The following CLPTM1L variants were observed in gnomAD, a reference collection of about 807,000 sequenced individuals.
CLPTM1L encodes the protein CLPTM1 like.
A neutral mutation model predicts 70.9 loss-of-function variants in CLPTM1L; 38 were observed. The ratio of observed to expected loss-of-function variants is 0.54; its 90% CI spans 0.41 to 0.70. The LOEUF (loss-of-function observed/expected upper bound fraction) is 0.70. CLPTM1L is among the 30% of genes least tolerant of loss of function. The pLI is 0.00. For synonymous variants in CLPTM1L, 339 were observed against 299.9 expected, an observed-to-expected ratio of 1.13 and a Z score of -1.35; for missense variants, 652 against 705.9, an observed-to-expected ratio of 0.92 and a Z score of 0.87.
intron 4 of CLPTM1L, 78 bp from the exon 5 acceptor site, chr5:1,338,060 G>T: frequency 8.2e-7 from 1 of 1,224,072 alleles, no homozygotes; most frequent in Non-Finnish European, 1.2e-6. Flanking sequence ...CAGACACTGG[G>T]TTTACCCCAG....
intron 3 of CLPTM1L, among the ~76,000 whole-genome samples, chr5:1,340,592 A>T (rs1753877391): frequency 6.6e-6 from 1 of 152,074 alleles, no homozygotes; most frequent in Admixed American, 6.5e-5. Context: ...GAGAGGAGGG[A>T]TGGGGGCCCC....
At position 1,345,068 on chromosome 5, in the gene CLPTM1L, G is replaced by T. The variant is rs1426854452; in HGVS notation, c.-227C>A. The T allele has an allele frequency of 6.4e-6, 1 of 156,918 alleles. No homozygotes were observed. Among genetic ancestry groups the T allele is most frequent in the African/African-American group, 2.4e-5 (1 of 41,360 alleles). The allele number at this position is 156,918 out of a possible 1,614,324, so 9.7% of individuals were successfully genotyped here. ...GCCGCGGGATTCGCCGGCCCCGCGC[G>T]CCGCTTCCGGGCCCCGCCGCCTGCC... On this transcript the variant is annotated 5_prime_UTR_variant, in exon 1 of 17. Coordinates refer to ENST00000320895, the MANE Select transcript of CLPTM1L (RefSeq NM_030782.5).
chr5:1,321,582 T>G (rs753868748), intron 15 of CLPTM1L, 53 bp downstream of exon 15: 92 of 1,546,822 alleles, frequency 5.9e-5, no homozygotes, highest in Non-Finnish European at 7.7e-5. Flanking sequence ...GAAGACGCCC[T>G]TGCTCACGCT....
intron 7 of CLPTM1L, among the ~76,000 whole-genome samples, chr5:1,333,715 C>G (rs1753343415): frequency 7.1e-6 from 1 of 141,142 alleles, no homozygotes; most frequent in African/African-American, 2.7e-5. Context: ...TAAGGGGGGA[C>G]TACTGTATAC....
intron 5 of CLPTM1L, among the ~76,000 whole-genome samples, chr5:1,335,533 C>CGGCGCTGAGCTTGGCCTGCAG (rs1753523246): frequency 6.6e-6 from 1 of 152,264 alleles, no homozygotes; most frequent in Admixed American, 6.5e-5. Flanking sequence ...GCGCAGCATA[C>CGGCGCTGAGCTTGGCCTGCAG]GGCGCTGAGC....
chr5:1,327,462 C>CCATCCAGCTCCTCCTCTACAGGGACATTT (rs1752681561), intron 9 of CLPTM1L, among the ~76,000 whole-genome samples: 1 of 142,340 alleles, frequency 7.0e-6, no homozygotes, highest in African/African-American at 2.6e-5. Flanking sequence ...CAGGGACATT[C>CCATCCAGCTCCTCCTCTACAGGGACATTT]CATCCAGCTC....
intron 16 of CLPTM1L, 82 bp downstream of exon 16, chr5:1,320,534 T>C: frequency 1.5e-6 from 1 of 685,716 alleles, no homozygotes; most frequent in Non-Finnish European, 2.4e-6. Flanking sequence ...AGGCGCAGGG[T>C]GCGGTGAAAG....
chr5:1,337,456 C>T (rs778052644), intron 5 of CLPTM1L, among the ~76,000 whole-genome samples: 14 of 152,242 alleles, frequency 9.2e-5, no homozygotes, highest in East Asian at 1.9e-4. Flanking sequence ...GCTCCAGCTC[C>T]GAGGAAGGGC....
At chr5:1,338,836 C>G (rs778013445) in intron 4 of CLPTM1L, 24 bp downstream of exon 4, 1 of 1,612,458 alleles carries the variant, frequency 6.2e-7, no homozygotes, top group Non-Finnish European at 8.5e-7. Context: ...CCCCCCGGCG[C>G]TCCAGCTCTG....
At position 1,324,083 on chromosome 5, in the gene CLPTM1L, G is replaced by T. The variant is rs1752356029; in HGVS notation, c.1198-214C>A. 7 of 569,440 alleles carry T rather than the reference G, an allele frequency of 1.2e-5. No homozygotes were observed. In the South Asian group the frequency reaches 1.4e-4, roughly 11 times the overall value. 35.3% of individuals were successfully genotyped at this position (569,440 alleles called of 1,614,324 possible). A position where few individuals can be genotyped will look rare whatever the true frequency, so the allele number is the denominator to read the frequency against. On this transcript the variant is annotated intron_variant, in intron 11 of 16. Transcript: ENST00000320895. ...GCACCGCACACGCCAGAGCCCGGGTGTAACTACAGGCGCTAGTTAACAATA... is the reference window on the plus strand; with the variant it reads ...GCACCGCACACGCCAGAGCCCGGGTTTAACTACAGGCGCTAGTTAACAATA...
At chr5:1,341,533 G>A (rs1384858042) in intron 3 of CLPTM1L, 138 bp downstream of exon 3, 9 of 655,908 alleles carry the variant, frequency 1.4e-5, no homozygotes, top group Non-Finnish European at 2.3e-5. Flanking sequence ...ATGCACGCCA[G>A]TAACATTCCA....
chr5:1,332,130 C>A, intron 7 of CLPTM1L: 1 of 511,652 alleles, frequency 2.0e-6, no homozygotes, highest in Non-Finnish European at 3.5e-6. Context: ...ACTTGAACTG[C>A]TGGAAAGGCC....
At chr5:1,325,330 GGGGCC>G in intron 10 of CLPTM1L, 1 of 254,042 alleles carries the variant, frequency 3.9e-6, no homozygotes, top group Non-Finnish European at 7.5e-6. Context: ...CATCTGCCTA[GGGGCC>G]TTATGGGCGC....
At chr5:1,343,518 C>A (rs1754079816) in intron 2 of CLPTM1L, among the ~76,000 whole-genome samples, 1 of 152,234 alleles carries the variant, frequency 6.6e-6, no homozygotes, top group African/African-American at 2.4e-5. Flanking sequence ...AAACCCAGTG[C>A]AGATGAATCC....
At chr5:1,339,096 C>T in intron 3 of CLPTM1L, 91 bp from the exon 4 acceptor site, 1 of 1,439,304 alleles carries the variant, frequency 6.9e-7, no homozygotes, top group Non-Finnish European at 9.4e-7. Context: ...AACAGAACGG[C>T]CACACAGACA....
rs540714019 is a variant in CLPTM1L, at chr5:1,343,516, T to C, written c.263+835A>G. Among the ~76,000 whole-genome samples, 7 of 152,340 alleles carry C rather than the reference T, an allele frequency of 4.6e-5. No individual in the cohort carries two copies. The South Asian group carries it at 1.4e-3, about 32-fold the overall frequency. On this transcript the variant is annotated intron_variant, in intron 2 of 16. Transcript: ENST00000320895. ...TTCATGTCTGGGAAATTAAACCCAG[T>C]GCAGATGAATCCTGAGCATTTTTGA...
intron 5 of CLPTM1L, among the ~76,000 whole-genome samples, chr5:1,337,238 A>G (rs1264868432): frequency 6.6e-6 from 1 of 152,270 alleles, no homozygotes; most frequent in East Asian, 1.9e-4. Context: ...TGCTTAGCAC[A>G]GTGCCTCATG....
rs558754075 is a variant in CLPTM1L, at chr5:1,342,071, G to A, written c.264-211C>T. On this transcript the variant is annotated intron_variant, in intron 2 of 16. Transcript: ENST00000320895. The surrounding 1 kb of genome is among the most constrained non-coding windows in gnomAD (Gnocchi z 4.3). ...GCACGCGTGCGCGTCCTGAGAACTC[G>A]GCACAGGTGTGGGCGCCTACAGCCG... Among the ~76,000 whole-genome samples, 25 of 149,478 alleles carry A rather than the reference G, an allele frequency of 1.7e-4. No homozygotes were observed. In the South Asian group the frequency reaches 2.7e-3, roughly 16 times the overall value.
chr5:1,322,537 G>A (rs998480262), intron 13 of CLPTM1L, among the ~76,000 whole-genome samples: 1 of 152,236 alleles, frequency 6.6e-6, no homozygotes, highest in African/African-American at 2.4e-5. Context: ...CAACAGTCAT[G>A]CACCACACAA....
Sources: allele counts gnomAD v4.1 joint callset (sites outside exome capture counted in the v4.1 genomes callset), GRCh38; gene constraint gnomAD v4.1.1; non-coding constraint Gnocchi (gnomAD v3.1); transcripts MANE v1.5; gene names NCBI Gene and HGNC (gene_info 2026-07-23, HGNC 2026-07-21).